Variants in GTF3C6 observed in about 807,000 individuals in gnomAD.
The protein encoded by GTF3C6 is general transcription factor 3C polypeptide 6.
GTF3C6 carries 11 observed loss-of-function variants against 19.2 expected under a neutral mutation model. The ratio of observed to expected loss-of-function variants is 0.57; its 90% CI spans 0.36 to 0.95. GTF3C6 has a LOEUF of 0.95. GTF3C6 is among the 40% of genes least tolerant of loss of function. GTF3C6 has a pLI of 0.01. For synonymous variants in GTF3C6, 87 were observed against 84.2 expected, an observed-to-expected ratio of 1.03 and a Z score of -0.18; for missense variants, 222 against 254.7, an observed-to-expected ratio of 0.87 and a Z score of 0.87.
At chr6:110,965,694 TC>T (rs2114260522) in intron 5 of GTF3C6, among the ~76,000 whole-genome samples, 1 of 152,348 alleles carries the variant, frequency 6.6e-6, no homozygotes, top group East Asian at 1.9e-4. Flanking sequence ...GTGAGTTTCC[TC>T]TTCCTAGTCT....
rs1038797621 is a variant in GTF3C6, at chr6:110,965,714, C to T, written c.362-1796C>T. 6.6e-5 allele frequency among the ~76,000 whole-genome samples: 10 copies of T among 152,252 alleles called. 1 individual carries two copies. The East Asian group carries it at 9.7e-4, about 15-fold the overall frequency. ...TTTCCTCTTCCTAGTCTTTAATAAT[C>T]TGACAGATCTTTGGGAATATTTGGG... On this transcript the variant is annotated intron_variant, in intron 5 of 5. Coordinates refer to ENST00000329970, the MANE Select transcript of GTF3C6 (RefSeq NM_138408.4).
intron 2 of GTF3C6, 55 bp downstream of exon 2, chr6:110,959,307 G>A (rs1771127787): frequency 3.8e-6 from 4 of 1,057,696 alleles, no homozygotes; most frequent in Non-Finnish European, 5.8e-6. Context: ...TGTAAAACAA[G>A]AATCAATGGT....
In GTF3C6 at chr6:110,959,320, A is replaced by C. The variant is rs558457415; in HGVS notation, c.138+68A>C. 6 of 918,016 alleles carry C rather than the reference A, an allele frequency of 6.5e-6. No homozygotes were observed. The East Asian group carries it at 1.4e-4, about 22-fold the overall frequency. 56.9% of individuals were successfully genotyped at this position (918,016 alleles called of 1,614,324 possible). ...AATGTAAAACAAGAATCAATGGTGA[A>C]ATACCTATCCGCAAGTATTGATATA... On this transcript the variant is annotated intron_variant, in intron 2 of 5. Coordinates refer to ENST00000329970, the MANE Select transcript of GTF3C6 (RefSeq NM_138408.4).
intron 5 of GTF3C6, among the ~76,000 whole-genome samples, chr6:110,963,721 G>A (rs1281650905): frequency 1.7e-5 from 1 of 58,674 alleles, no homozygotes; most frequent in Non-Finnish European, 3.4e-5. Flanking sequence ...TTTTTTTTTT[G>A]GAGACAGTCT....
intron 5 of GTF3C6, among the ~76,000 whole-genome samples, chr6:110,966,389 A>G (rs1771229830): frequency 6.6e-6 from 1 of 152,130 alleles, no homozygotes; most frequent in Admixed American, 6.6e-5. Context: ...AGGTGGGAGA[A>G]TTGCTTGAAC....
intron 5 of GTF3C6, among the ~76,000 whole-genome samples, chr6:110,966,557 C>T (rs1385235883): frequency 2.6e-5 from 4 of 152,186 alleles, no homozygotes; most frequent in African/African-American, 9.6e-5. Context: ...GGCATGAATA[C>T]CAGGAAGGTG....
In GTF3C6 at chr6:110,958,788, G is replaced by C; in HGVS notation, c.19G>C (p.Glu7Gln). The C allele has an allele frequency of 1.9e-6, 3 of 1,551,102 alleles. No homozygotes were observed. Among genetic ancestry groups the C allele is most frequent in the Non-Finnish European group, 2.6e-6 (3 of 1,146,984 alleles). The change falls in exon 1 of 6, where the codon GAG (glutamate) becomes CAG (glutamine). Residue 7 changes from glutamate to glutamine, a missense_variant. Coordinates refer to ENST00000329970, the MANE Select transcript of GTF3C6 (RefSeq NM_138408.4). MAAAAD[E>Q]RSPEDGEDEE... is the part of the protein sequence containing the mutation. ...CGGGACCATGGCGGCGGCGGCGGAC[G>C]AGCGGAGTCCAGAGGACGGAGAAGA...
chr6:110,962,388 C>T lies in GTF3C6; in HGVS notation c.248-4C>T, dbSNP rs1459057398. 23 of 1,446,850 alleles carry T rather than the reference C, an allele frequency of 1.6e-5. No homozygotes were observed. Among genetic ancestry groups the T allele is most frequent in the Non-Finnish European group, 2.2e-5 (23 of 1,029,430 alleles). The allele number at this position is 1,446,850 out of a possible 1,614,324, so 89.6% of individuals were successfully genotyped here. ...TATAATAATGTTGTTCATTTCTGTT[C>T]CAGCTGATACAGAAGGCAATAATAA... is the stretch of plus-strand genomic sequence containing the variant. On this transcript the variant is annotated splice_polypyrimidine_tract_variant and splice_region_variant and intron_variant, in intron 4 of 5. Coordinates refer to ENST00000329970, the MANE Select transcript of GTF3C6 (RefSeq NM_138408.4).
chr6:110,963,023 C>T (rs1486308290), intron 5 of GTF3C6, among the ~76,000 whole-genome samples: 4 of 152,124 alleles, frequency 2.6e-5, no homozygotes, highest in South Asian at 4.1e-4. Flanking sequence ...ATGATCCGCC[C>T]GCCTTGGCTT....
At position 110,959,157 on chromosome 6, in the gene GTF3C6, T is replaced by A. The variant is rs1227039747; in HGVS notation, c.58-15T>A. ...GCTCGCGTGCTAGCATGTTAACCCCTCTTTCTTTCACCAGGAGCAGTTGGT... is the reference window on the plus strand; with the variant it reads ...GCTCGCGTGCTAGCATGTTAACCCCACTTTCTTTCACCAGGAGCAGTTGGT... On this transcript the variant is annotated splice_polypyrimidine_tract_variant and intron_variant, in intron 1 of 5. Transcript: ENST00000329970. The A allele has an allele frequency of 6.3e-7, 1 of 1,587,790 alleles. No individual in the cohort carries two copies. Among genetic ancestry groups the A allele is most frequent in the South Asian group, 1.1e-5 (1 of 90,530 alleles).
chr6:110,966,819 G>GA (rs776225441), intron 5 of GTF3C6, among the ~76,000 whole-genome samples: 1 of 141,518 alleles, frequency 7.1e-6, no homozygotes, highest in Non-Finnish European at 1.5e-5. Context: ...GTTATTGCGG[G>GA]AAAAAAATAT....
chr6:110,966,111 T>C (rs1055227489), intron 5 of GTF3C6, among the ~76,000 whole-genome samples: 14 of 152,180 alleles, frequency 9.2e-5, no homozygotes, highest in African/African-American at 1.2e-4. Context: ...GGCAGCTGGC[T>C]TCTCTCAGAT....
Position 110,959,210 on chromosome 6 carries a change from T to C in GTF3C6, c.96T>C (p.Asp32=), listed in dbSNP as rs770517231. 3 of 1,612,860 alleles carry C rather than the reference T, an allele frequency of 1.9e-6. No homozygotes were observed. Among genetic ancestry groups the C allele is most frequent in the Non-Finnish European group, 2.5e-6 (3 of 1,179,068 alleles). ...LVLVELSGII[D]SDFLSKCENK... is the part of the protein sequence containing the mutation. Reference sequence around the variant, plus strand: ...TGGTGGAATTATCAGGAATTATTGATTCAGACTTCCTCTCAAAATGTGAAA... The same window carrying C: ...TGGTGGAATTATCAGGAATTATTGACTCAGACTTCCTCTCAAAATGTGAAA... Residue 32 remains aspartate (D), a synonymous_variant, in exon 2 of 6, where the codon GAT becomes GAC. Transcript: ENST00000329970.
In GTF3C6 at chr6:110,962,522, T is replaced by A; in HGVS notation, c.361+17T>A. 7.4e-7 allele frequency: 1 copy of A among 1,351,590 alleles called. No individual in the cohort carries two copies. The highest frequency in any genetic ancestry group is 1.4e-5 in the African/African-American group (1 of 69,780). The allele number at this position is 1,351,590 out of a possible 1,614,324, so 83.7% of individuals were successfully genotyped here. A position where few individuals can be genotyped will look rare whatever the true frequency, so the allele number is the denominator to read the frequency against. On this transcript the variant is annotated intron_variant, in intron 5 of 5. Coordinates refer to ENST00000329970, the MANE Select transcript of GTF3C6 (RefSeq NM_138408.4). ...AAAACATAGGTTAGTTCCATTATTC[T>A]CTGAAAACAGGTGATCCAGTACTGG...
At chr6:110,960,118 A>G (rs1278620857) in intron 2 of GTF3C6, among the ~76,000 whole-genome samples, 1 of 152,210 alleles carries the variant, frequency 6.6e-6, no homozygotes, top group Non-Finnish European at 1.5e-5. Context: ...GTCTCAAAAA[A>G]TAAATAGATG....
chr6:110,964,980 G>A (rs1012341639), intron 5 of GTF3C6, among the ~76,000 whole-genome samples: 5 of 151,550 alleles, frequency 3.3e-5, no homozygotes, highest in Middle Eastern at 3.4e-3. Flanking sequence ...TTACAGGCAC[G>A]CACCAGCACG....
chr6:110,958,747 A>G lies in GTF3C6; in HGVS notation c.-23A>G. 1.3e-6 allele frequency: 2 copies of G among 1,550,432 alleles called. No individual in the cohort carries two copies. Among genetic ancestry groups the G allele is most frequent in the Non-Finnish European group, 1.7e-6 (2 of 1,146,868 alleles). On this transcript the variant is annotated 5_prime_UTR_variant, in exon 1 of 6. Transcript: ENST00000329970. ...CTCCGGGCGGGCGTGGCCAGTGACT[A>G]GAAGGCGAGGCGCCGCGGGACCATG... is the stretch of plus-strand genomic sequence containing the variant.
At chr6:110,962,979 G>C (rs116162450) in intron 5 of GTF3C6, among the ~76,000 whole-genome samples, 3,784 of 152,158 alleles carry the variant, frequency 0.025, 138 homozygotes, top group African/African-American at 0.088. Flanking sequence ...GGGTTTTACA[G>C]TGTTGGCCAG....
intron 2 of GTF3C6, 81 bp from the exon 3 acceptor site, chr6:110,960,333 A>T: frequency 8.2e-7 from 1 of 1,216,702 alleles, no homozygotes; most frequent in African/African-American, 1.5e-5. Context: ...TTTGGAGATT[A>T]GTTTCCTTGG....
Sources: gnomAD v4.1 joint callset for allele counts (sites outside exome capture counted in the v4.1 genomes callset) on GRCh38, gnomAD v4.1.1 for gene constraint, MANE v1.5 for transcripts, NCBI Gene and HGNC (gene_info 2026-07-23, HGNC 2026-07-21) for gene names.